WASF3: variants seen among roughly 807,000 people sequenced by gnomAD.
WASF3 encodes actin-binding protein WASF3.
A neutral mutation model predicts 46.6 loss-of-function variants in WASF3; 11 were observed. That is an observed-to-expected ratio of 0.24 (90% CI 0.15 to 0.39). WASF3 has a LOEUF of 0.39. Among genes scored for constraint, WASF3 ranks in the 10% least tolerant of loss-of-function variants. The probability of loss-of-function intolerance (pLI) is 1.00; values close to 1 mark genes in which losing one functional copy is unlikely to be tolerated. For missense variants in WASF3, 576 were observed against 669.8 expected, an observed-to-expected ratio of 0.86 and a Z score of 1.55; for synonymous variants, 242 against 259.7, an observed-to-expected ratio of 0.93 and a Z score of 0.65.
Position 26,678,685 on chromosome 13 carries a change from G to T in WASF3, c.716+1961G>T, listed in dbSNP as rs79107268. Reference sequence around the variant, plus strand: ...CTCTCTCTCTAGATTGTTAGGAATGGCTTGTTCCTGAGAATAAATTTAAGA... The same window carrying T: ...CTCTCTCTCTAGATTGTTAGGAATGTCTTGTTCCTGAGAATAAATTTAAGA... On this transcript the variant is annotated intron_variant, in intron 7 of 9. Transcript: ENST00000335327. Among the ~76,000 whole-genome samples, 12 of 152,202 alleles carry T rather than the reference G, an allele frequency of 7.9e-5. No homozygotes were observed. In the East Asian group the frequency reaches 1.2e-3, roughly 15 times the overall value.
intron 3 of WASF3, among the ~76,000 whole-genome samples, chr13:26,658,082 A>G (rs1453896965): frequency 6.6e-6 from 1 of 152,182 alleles, no homozygotes; most frequent in Non-Finnish European, 1.5e-5. Context: ...GTTCTCAACA[A>G]TAGTTGGTGT....
At chr13:26,639,364 G>C (rs7985420) in intron 2 of WASF3, among the ~76,000 whole-genome samples, 67,355 of 151,986 alleles carry the variant, frequency 0.44, 16,280 homozygotes, top group Non-Finnish European at 0.55. Flanking sequence ...AATATATGAA[G>C]TACCCCAAGG....
At chr13:26,683,259 C>T (rs1208776589) in intron 9 of WASF3, among the ~76,000 whole-genome samples, 1 of 151,984 alleles carries the variant, frequency 6.6e-6, no homozygotes, top group Non-Finnish European at 1.5e-5. Context: ...ATTGCTTGAG[C>T]CCAGGAGTTT....
In WASF3 at chr13:26,671,869, T is replaced by C. The variant is rs777139431; in HGVS notation, c.423-3T>C. ...CCCTGACTTACAATACATTGATTTGTAGAGATGACAAGAAGGATGGGCTGA... is the reference window on the plus strand; with the variant it reads ...CCCTGACTTACAATACATTGATTTGCAGAGATGACAAGAAGGATGGGCTGA... On this transcript the variant is annotated splice_region_variant and splice_polypyrimidine_tract_variant and intron_variant, in intron 5 of 9. Coordinates refer to ENST00000335327, the MANE Select transcript of WASF3 (RefSeq NM_006646.6). The C allele has an allele frequency of 1.9e-6, 3 of 1,572,784 alleles. No homozygotes were observed. The highest frequency in any genetic ancestry group is 2.6e-6 in the Non-Finnish European group (3 of 1,160,310).
chr13:26,613,108 A>G (rs1409274734), intron 2 of WASF3, 50 bp downstream of exon 2: 1 of 151,696 alleles, frequency 6.6e-6, no homozygotes, highest in African/African-American at 2.4e-5. Context: ...TCTGTAACAT[A>G]GTTTAGAAAT....
chr13:26,606,593 G>A (rs970805402), intron 1 of WASF3: 8 of 151,422 alleles, frequency 5.3e-5, no homozygotes, highest in African/African-American at 1.9e-4. Flanking sequence ...CTGGGCTCAA[G>A]CAATCCTCTT....
At chr13:26,630,129 T>C (rs1228949825) in intron 2 of WASF3, among the ~76,000 whole-genome samples, 1 of 152,210 alleles carries the variant, frequency 6.6e-6, no homozygotes, top group East Asian at 1.9e-4. Flanking sequence ...TAATCATGGC[T>C]CTCAGGCATG....
At chr13:26,621,306 G>A (rs1186864547) in intron 2 of WASF3, among the ~76,000 whole-genome samples, 1 of 152,146 alleles carries the variant, frequency 6.6e-6, no homozygotes, top group Non-Finnish European at 1.5e-5. Context: ...ACTAGCTAAA[G>A]CATCATGAAA....
chr13:26,591,300 G>A (rs1880285807), intron 1 of WASF3, among the ~76,000 whole-genome samples: 1 of 152,144 alleles, frequency 6.6e-6, no homozygotes, highest in Non-Finnish European at 1.5e-5. Flanking sequence ...AGAGAGATGT[G>A]ATCCAACTTC....
intron 1 of WASF3, among the ~76,000 whole-genome samples, chr13:26,612,670 G>A (rs1881013672): frequency 6.6e-6 from 1 of 152,160 alleles, no homozygotes; most frequent in African/African-American, 2.4e-5. Context: ...AATGAATTGA[G>A]CAGTTCAGTT....
At chr13:26,647,056 C>T (rs143235690) in intron 3 of WASF3, among the ~76,000 whole-genome samples, 1,802 of 152,278 alleles carry the variant, frequency 0.012, 19 homozygotes, top group Non-Finnish European at 0.021. Flanking sequence ...CCAAATCAGA[C>T]ACTTCACTTC....
At chr13:26,584,872 T>A (rs1202480781) in intron 1 of WASF3, among the ~76,000 whole-genome samples, 1 of 152,198 alleles carries the variant, frequency 6.6e-6, no homozygotes, top group Non-Finnish European at 1.5e-5. Context: ...TGTTTCAAAG[T>A]CTTCTTTGTA....
At chr13:26,558,328 C>T (rs945962730) in intron 1 of WASF3, among the ~76,000 whole-genome samples, 3 of 152,200 alleles carry the variant, frequency 2.0e-5, no homozygotes, top group African/African-American at 7.2e-5. Context: ...CTGGCCTGTG[C>T]CCTCTTGGTG....
At chr13:26,575,985 A>G (rs1004698652) in intron 1 of WASF3, among the ~76,000 whole-genome samples, 8 of 151,282 alleles carry the variant, frequency 5.3e-5, no homozygotes, top group Non-Finnish European at 8.9e-5. Context: ...TTTTATTTTC[A>G]GGAAGTTTTT....
intron 3 of WASF3, among the ~76,000 whole-genome samples, chr13:26,653,478 A>G (rs1270171592): frequency 6.6e-6 from 1 of 152,164 alleles, no homozygotes; most frequent in Non-Finnish European, 1.5e-5. Context: ...AACTGTGCTT[A>G]TTGGCATGAC....
At position 26,639,281 on chromosome 13, in the gene WASF3, C is replaced by G. The variant is rs533309198; in HGVS notation, c.-10-2980C>G. 9.2e-5 allele frequency among the ~76,000 whole-genome samples: 14 copies of G among 152,238 alleles called. No homozygotes were observed. The South Asian group carries it at 2.9e-3, about 32-fold the overall frequency. The stretch of plus-strand genomic sequence containing the variant: ...TGTATTTATACAGGCATAGGAGTTC[C>G]AAATAGAGGTTTAATGAACATGAGA... On this transcript the variant is annotated intron_variant, in intron 2 of 9. Transcript: ENST00000335327.
At chr13:26,631,970 G>A (rs960107474) in intron 2 of WASF3, among the ~76,000 whole-genome samples, 34 of 152,208 alleles carry the variant, frequency 2.2e-4, no homozygotes, top group African/African-American at 7.9e-4. Flanking sequence ...TTGGCTCTTT[G>A]TTTGTCTGTT....
intron 2 of WASF3, among the ~76,000 whole-genome samples, chr13:26,629,616 T>C (rs989555136): frequency 1.3e-5 from 2 of 152,184 alleles, no homozygotes; most frequent in Admixed American, 6.5e-5. Flanking sequence ...TGTATGAGTC[T>C]GCTGCCTGTG....
chr13:26,677,669 A>G (rs892809916), intron 7 of WASF3, among the ~76,000 whole-genome samples: 1 of 152,208 alleles, frequency 6.6e-6, no homozygotes, highest in African/African-American at 2.4e-5. Flanking sequence ...TTTTCTGTAC[A>G]AACTTCTATT....
Sources: gnomAD v4.1 joint callset for allele counts (sites outside exome capture counted in the v4.1 genomes callset) on GRCh38, gnomAD v4.1.1 for gene constraint, MANE v1.5 for transcripts, NCBI Gene and HGNC (gene_info 2026-07-23, HGNC 2026-07-21) for gene names.